The following KCNN2 variants were observed in gnomAD, a reference collection of about 807,000 sequenced individuals.
KCNN2 encodes the protein small conductance calcium-activated potassium channel protein 2.
KCNN2 carries 24 observed loss-of-function variants against 55.5 expected under a neutral mutation model. The ratio of observed to expected loss-of-function variants is 0.43; its 90% CI spans 0.31 to 0.61. KCNN2 has a LOEUF of 0.61. KCNN2 is among the 20% of genes least tolerant of loss of function. KCNN2 has a pLI of 0.08. For synonymous variants in KCNN2, 431 were observed against 336.1 expected, an observed-to-expected ratio of 1.28 and a Z score of -3.09; for missense variants, 754 against 853.6, an observed-to-expected ratio of 0.88 and a Z score of 1.45.
chr5:114,169,977 G>A (rs1239895158), intron 1 of KCNN2, among the ~76,000 whole-genome samples: 1 of 151,960 alleles, frequency 6.6e-6, no homozygotes, highest in Non-Finnish European at 1.5e-5. Flanking sequence ...TTCTAGATTG[G>A]TTTGATGCAC....
At chr5:114,279,139 C>G (rs1755564883) in intron 2 of KCNN2, among the ~76,000 whole-genome samples, 1 of 151,912 alleles carries the variant, frequency 6.6e-6, no homozygotes, top group South Asian at 2.1e-4. Context: ...AATGCCCTTG[C>G]CATTTGTTTG....
chr5:114,290,369 T>G (rs1260925111), intron 2 of KCNN2, among the ~76,000 whole-genome samples: 2 of 152,158 alleles, frequency 1.3e-5, no homozygotes, highest in African/African-American at 2.4e-5. Flanking sequence ...GGTTAGTATA[T>G]AGAATTTGTT....
intron 2 of KCNN2, among the ~76,000 whole-genome samples, chr5:114,267,382 G>T (rs1755232147): frequency 6.6e-6 from 1 of 152,036 alleles, no homozygotes; most frequent in African/African-American, 2.4e-5. Context: ...ATTCTTCATT[G>T]CCTGGGAGTC....
At chr5:114,134,458 GATTTATTTATTTATTTATTT>G (rs368773249) in intron 1 of KCNN2, among the ~76,000 whole-genome samples, 35 of 137,402 alleles carry the variant, frequency 2.5e-4, no homozygotes, top group South Asian at 1.9e-3. Context: ...ATCCAACCAT[GATTTATTTATTTATTTATTT>G]ATTTATTTAT....
At chr5:114,172,924 GC>G (rs1415593881) in intron 1 of KCNN2, among the ~76,000 whole-genome samples, 8 of 151,824 alleles carry the variant, frequency 5.3e-5, no homozygotes, top group African/African-American at 1.9e-4. Flanking sequence ...ATATGCAGAA[GC>G]TTTTTAACTT....
intron 2 of KCNN2, among the ~76,000 whole-genome samples, chr5:114,297,929 C>T (rs1010309967): frequency 1.3e-5 from 2 of 151,400 alleles, no homozygotes; most frequent in Non-Finnish European, 2.9e-5. Context: ...TTTCCTTATA[C>T]GTGAAATGGA....
Position 114,220,707 on chromosome 5 carries a change from C to A in KCNN2, c.-270-773C>A, listed in dbSNP as rs974525295. On this transcript the variant is annotated intron_variant, in intron 1 of 10. Transcript: ENST00000512097. The stretch of plus-strand genomic sequence containing the variant: ...TAAAGAGATAATAAATAGCAAGACA[C>A]AGAGCAAAACACTGAGGCTGAGGCA... Among the ~76,000 whole-genome samples, 3 of 150,698 alleles carry A rather than the reference C, an allele frequency of 2.0e-5. No homozygotes were observed. The Admixed American group carries it at 2.0e-4, about 10-fold the overall frequency.
chr5:114,351,259 T>C (rs932144794), intron 2 of KCNN2, among the ~76,000 whole-genome samples: 7 of 151,752 alleles, frequency 4.6e-5, no homozygotes, highest in African/African-American at 1.4e-4. Flanking sequence ...TCATTACTAG[T>C]GTATTGTAGT....
At chr5:114,229,233 G>A (rs1754306153) in intron 2 of KCNN2, among the ~76,000 whole-genome samples, 1 of 151,564 alleles carries the variant, frequency 6.6e-6, no homozygotes. Context: ...TCTGGAAAAT[G>A]TGTCTATCTC....
intron 3 of KCNN2, among the ~76,000 whole-genome samples, chr5:114,443,943 A>T (rs1292573748): frequency 6.6e-6 from 1 of 152,228 alleles, no homozygotes; most frequent in Non-Finnish European, 1.5e-5. Context: ...TATATGCTAA[A>T]GCAATTGGAC....
chr5:114,065,866 T>C lies in KCNN2; in HGVS notation c.-271+9366T>C, dbSNP rs866692977. 3.5e-5 allele frequency among the ~76,000 whole-genome samples: 5 copies of C among 142,938 alleles called. No individual in the cohort carries two copies. The South Asian group carries it at 6.9e-4, about 20-fold the overall frequency. 93.8% of individuals were successfully genotyped at this position (142,938 alleles called of 152,430 possible). A position where few individuals can be genotyped will look rare whatever the true frequency, so the allele number is the denominator to read the frequency against. Reference sequence around the variant, plus strand: ...TGCAGGTTTTTTTTTTTTTTTTTTTTTTTTTTTTTTTTTTTTGCAATGGGG... The same window carrying C: ...TGCAGGTTTTTTTTTTTTTTTTTTTCTTTTTTTTTTTTTTTTGCAATGGGG... On this transcript the variant is annotated intron_variant, in intron 1 of 10. Coordinates refer to the KCNN2 transcript ENST00000512097.
chr5:114,160,259 G>A (rs1273997120), intron 1 of KCNN2, among the ~76,000 whole-genome samples: 4 of 152,114 alleles, frequency 2.6e-5, no homozygotes, highest in African/African-American at 9.7e-5. Context: ...ATTTCATTAT[G>A]TACGCCATAG....
intron 1 of KCNN2, among the ~76,000 whole-genome samples, chr5:114,215,954 T>G (rs1210651219): frequency 6.6e-6 from 1 of 152,150 alleles, no homozygotes; most frequent in Admixed American, 6.5e-5. Flanking sequence ...AACTAGCCGA[T>G]TACCCAAAGT....
intron 2 of KCNN2, among the ~76,000 whole-genome samples, chr5:114,333,467 T>C (rs1023976284): frequency 6.6e-6 from 1 of 152,262 alleles, no homozygotes; most frequent in Non-Finnish European, 1.5e-5. Flanking sequence ...ATTTATTATG[T>C]ACAAGCAAAG....
At chr5:114,267,778 C>G (rs1164755153) in intron 2 of KCNN2, among the ~76,000 whole-genome samples, 1 of 152,130 alleles carries the variant, frequency 6.6e-6, no homozygotes, top group Non-Finnish European at 1.5e-5. Context: ...TCATACCCTG[C>G]TAATATTTAC....
intron 4 of KCNN2, among the ~76,000 whole-genome samples, chr5:114,471,412 T>G (rs1163769845): frequency 6.6e-6 from 1 of 152,172 alleles, no homozygotes; most frequent in African/African-American, 2.4e-5. Flanking sequence ...AAGAAAACGG[T>G]CTATAATGTT....
rs572966461 is a variant in KCNN2, at chr5:114,225,187, A to C, written c.-185+3622A>C. 6.6e-5 allele frequency among the ~76,000 whole-genome samples: 10 copies of C among 152,352 alleles called. No individual in the cohort carries two copies. In the South Asian group the frequency reaches 2.1e-3, roughly 32 times the overall value. Reference sequence around the variant, plus strand: ...ATGTGAAGAATGTAGGTAACTTTGTAATTTAAATATGGTGGTAGAAATTTA... The same window carrying C: ...ATGTGAAGAATGTAGGTAACTTTGTCATTTAAATATGGTGGTAGAAATTTA... On this transcript the variant is annotated intron_variant, in intron 2 of 10. Transcript: ENST00000512097.
At chr5:114,435,838 A>G (rs926132994) in intron 3 of KCNN2, among the ~76,000 whole-genome samples, 1 of 152,200 alleles carries the variant, frequency 6.6e-6, no homozygotes, top group Non-Finnish European at 1.5e-5. Flanking sequence ...ACTGCTTCTA[A>G]AGTGAAACTA....
intron 2 of KCNN2, among the ~76,000 whole-genome samples, chr5:114,401,641 C>A (rs1197883081): frequency 1.3e-5 from 2 of 152,054 alleles, no homozygotes; most frequent in Admixed American, 6.5e-5. Context: ...AGGGAGTTTC[C>A]AGATTTTTAC....
Sources: allele counts gnomAD v4.1 joint callset (sites outside exome capture counted in the v4.1 genomes callset), GRCh38; gene constraint gnomAD v4.1.1; transcripts MANE v1.5; gene names NCBI Gene and HGNC (gene_info 2026-07-23, HGNC 2026-07-21).